Variants in RIMKLB observed in about 807,000 individuals in gnomAD.
RIMKLB encodes ribosomal modification protein rimK like family member B, also known as beta-citrylglutamate synthase B.
RIMKLB carries 7 observed loss-of-function variants against 32.0 expected under a neutral mutation model. That is an observed-to-expected ratio of 0.22 (90% CI 0.12 to 0.41). RIMKLB has a LOEUF of 0.41. RIMKLB is among the 10% of genes least tolerant of loss of function. RIMKLB has a pLI of 1.00. For synonymous variants in RIMKLB, 172 were observed against 185.1 expected (o/e 0.93, Z 0.57); for missense variants, 289 against 498.7 (o/e 0.58, Z 4.00).
chr12:8,702,796 A>G (rs1943519241), intron 1 of RIMKLB, among the ~76,000 whole-genome samples: 1 of 152,228 alleles, frequency 6.6e-6, no homozygotes, highest in African/African-American at 2.4e-5. Context: ...CTTGGGCTTG[A>G]GAGTAAATGA....
intron 2 of RIMKLB, among the ~76,000 whole-genome samples, chr12:8,748,548 G>GTGTA (rs1196118982): frequency 9.0e-6 from 1 of 110,852 alleles, no homozygotes; most frequent in Non-Finnish European, 2.1e-5. Flanking sequence ...GTGTGTGTGT[G>GTGTA]TGTGTGTGTG....
intron 1 of RIMKLB, among the ~76,000 whole-genome samples, chr12:8,698,552 C>A (rs112056543): frequency 0.26 from 39,825 of 151,864 alleles, 5,517 homozygotes; most frequent in African/African-American, 0.32. Context: ...CGTGTGCGTG[C>A]GACCGGGCGA....
At chr12:8,709,443 A>G (rs768056635) in intron 1 of RIMKLB, among the ~76,000 whole-genome samples, 1 of 152,358 alleles carries the variant, frequency 6.6e-6, no homozygotes, top group South Asian at 2.1e-4. Flanking sequence ...AGGCTAGGAG[A>G]GAACCATTGA....
At chr12:8,714,139 G>C in intron 2 of RIMKLB, 98 bp downstream of exon 2, 1 of 920,546 alleles carries the variant, frequency 1.1e-6, no homozygotes. Context: ...TCTTAGCCTT[G>C]TCATTACTAA....
At chr12:8,697,508 G>A (rs1942942118), upstream of RIMKLB, among the ~76,000 whole-genome samples, 1 of 152,054 alleles carries the variant, frequency 6.6e-6, no homozygotes, top group Non-Finnish European at 1.5e-5. Flanking sequence ...AGATTGATGG[G>A]GCCTAAGCAG....
intron 5 of RIMKLB, among the ~76,000 whole-genome samples, chr12:8,757,914 C>T (rs190895125): frequency 4.0e-5 from 6 of 151,578 alleles, no homozygotes; most frequent in Admixed American, 3.3e-4. Flanking sequence ...CCTGTAAGGT[C>T]GGTAGACATT....
rs1944386488 is a variant in RIMKLB at position 8,711,624 on chromosome 12, T to A, written c.-56-2187T>A. On this transcript the variant is annotated intron_variant, in intron 1 of 5. Coordinates refer to ENST00000535829, the MANE Select transcript of RIMKLB (RefSeq NM_001297776.2). Reference sequence around the variant, plus strand: ...ATGCTGGTGCGCTGCACCCACTAACTCATCATCTAGCATTAGGTATATCTC... The same window carrying A: ...ATGCTGGTGCGCTGCACCCACTAACACATCATCTAGCATTAGGTATATCTC... 2.6e-5 allele frequency among the ~76,000 whole-genome samples: 4 copies of A among 152,026 alleles called. No homozygotes were observed. In the South Asian group the frequency reaches 8.3e-4, roughly 32 times the overall value.
In RIMKLB at chr12:8,713,909, C is replaced by G; in HGVS notation, c.43C>G (p.Arg15Gly). The G allele has an allele frequency of 6.2e-7, 1 of 1,613,990 alleles. No individual in the cohort carries two copies. The highest frequency in any genetic ancestry group is 8.5e-7 in the Non-Finnish European group (1 of 1,179,994). The change falls in exon 2 of 6, where the codon CGT becomes GGT. Residue 15 changes from arginine (R) to glycine (G), a missense_variant. Physicochemically the swap from Arg to Gly is moderately radical, Grantham distance 125. Around this residue, in one of 3 missense-constraint regions of RIMKLB, gnomAD observed 34 missense variants for 35.3 expected, o/e 0.96. Coordinates refer to ENST00000535829, the MANE Select transcript of RIMKLB (RefSeq NM_001297776.2). ...TGCCAAGTTGTGGTTTTTGACAGAT[C>G]GTCGCATCAGGGAAGACTATCCTCA... Reference protein sequence around the residue: ...VAAKLWFLTDRRIREDYPQKE... With the variant: ...VAAKLWFLTDGRIREDYPQKE...
At chr12:8,684,461 T>TCA (rs1202759202) in intron 1 of RIMKLB, among the ~76,000 whole-genome samples, 3 of 151,778 alleles carry the variant, frequency 2.0e-5, no homozygotes, top group African/African-American at 7.3e-5. Context: ...GCATGAGCCA[T>TCA]CACACCCGGC....
chr12:8,684,426 G>A (rs888504376), intron 1 of RIMKLB, among the ~76,000 whole-genome samples: 3 of 151,560 alleles, frequency 2.0e-5, no homozygotes, highest in Non-Finnish European at 4.4e-5. Flanking sequence ...ACCCGCCCCC[G>A]CCTCCCAAAG....
intron 2 of RIMKLB, among the ~76,000 whole-genome samples, chr12:8,732,587 A>C (rs1946638477): frequency 6.6e-6 from 1 of 152,228 alleles, no homozygotes; most frequent in Admixed American, 6.5e-5. Context: ...CATTCAGATA[A>C]TCTGACATTT....
intron 5 of RIMKLB, among the ~76,000 whole-genome samples, chr12:8,766,748 A>AT (rs917953443): frequency 6.6e-6 from 1 of 152,190 alleles, no homozygotes; most frequent in African/African-American, 2.4e-5. Flanking sequence ...TTGTATGGTA[A>AT]TTAAGATTTA....
chr12:8,669,023 A>C, the RIMKLB span: 2 of 151,654 alleles, frequency 1.3e-5, no homozygotes, highest in African/African-American at 4.8e-5. Flanking sequence ...TATATTTCTT[A>C]GTCCATTTGT....
At chr12:8,715,476 G>A (rs943322967) in intron 2 of RIMKLB, among the ~76,000 whole-genome samples, 10 of 151,948 alleles carry the variant, frequency 6.6e-5, no homozygotes, top group African/African-American at 1.2e-4. Context: ...CACCCACCTC[G>A]GCTTCCAAAA....
chr12:8,736,687 G>A (rs1257230621), intron 2 of RIMKLB, among the ~76,000 whole-genome samples: 2 of 151,880 alleles, frequency 1.3e-5, no homozygotes, highest in Non-Finnish European at 2.9e-5. Context: ...ATTTCATTAT[G>A]TTATCCAGGC....
At chr12:8,695,998 T>C (rs1303960551), upstream of RIMKLB, among the ~76,000 whole-genome samples, 1 of 152,218 alleles carries the variant, frequency 6.6e-6, no homozygotes, top group African/African-American at 2.4e-5. Flanking sequence ...CTGCCCTGAA[T>C]AACAACTTTT....
At chr12:8,753,813 C>A in intron 4 of RIMKLB, 77 bp from the exon 5 acceptor site, 2 of 1,141,782 alleles carry the variant, frequency 1.8e-6, no homozygotes, top group Non-Finnish European at 2.6e-6. Flanking sequence ...GATTGTGATA[C>A]AAGAAGATTC....
chr12:8,669,459 A>G, the RIMKLB span, among the ~76,000 whole-genome samples: 3 of 152,164 alleles, frequency 2.0e-5, no homozygotes, highest in Non-Finnish European at 4.4e-5. Context: ...TATAGTATCA[A>G]CACAGTTATA....
chr12:8,710,079 C>T lies in RIMKLB; in HGVS notation c.-56-3732C>T, dbSNP rs557168371. ...TGGGGTCACTGCAGTTTCGACTTCC[C>T]AGATTCAAGTGATTCTCCTGCCTCC... is the stretch of plus-strand genomic sequence containing the variant. On this transcript the variant is annotated intron_variant, in intron 1 of 5. Coordinates refer to ENST00000535829, the MANE Select transcript of RIMKLB (RefSeq NM_001297776.2). 1.1e-3 allele frequency among the ~76,000 whole-genome samples: 166 copies of T among 152,034 alleles called. 1 individual carries two copies. The highest frequency in any genetic ancestry group is 1.8e-3 in the Non-Finnish European group (119 of 67,974).
Sources: gnomAD v4.1 joint callset for allele counts (sites outside exome capture counted in the v4.1 genomes callset) on GRCh38, gnomAD v4.1.1 for gene constraint, gnomAD v4.1.1 regional missense constraint, MANE v1.5 for transcripts, NCBI Gene and HGNC (gene_info 2026-07-23, HGNC 2026-07-21) for gene names.